The following GOLGA8B variants were observed in gnomAD, a reference collection of about 807,000 sequenced individuals.
The protein encoded by GOLGA8B is golgin subfamily A member 8B.
A neutral mutation model predicts 15.6 loss-of-function variants in GOLGA8B; 1 was observed. The observed-to-expected ratio is 0.06, with a 90% confidence interval of 0.02 to 0.30. The LOEUF is 0.30. Among genes scored for constraint, GOLGA8B ranks in the 10% least tolerant of loss-of-function variants. The pLI is 1.00. For synonymous variants in GOLGA8B, 9 were observed against 80.3 expected (o/e 0.11, Z 4.75); for missense variants, 17 against 201.3 (o/e 0.08, Z 5.54).
At chr15:34,554,425 C>T (rs1435738394) in intron 1 of GOLGA8B, among the ~76,000 whole-genome samples, 1 of 145,418 alleles carries the variant, frequency 6.9e-6, no homozygotes, top group African/African-American at 2.5e-5. Context: ...ATACACACCA[C>T]ACACCAACCA....
Position 34,528,146 on chromosome 15 carries a change from CCCCACCCCA to C in GOLGA8B, c.1453+34_1453+42del. On this transcript the variant is annotated intron_variant, in intron 22 of 23. Coordinates refer to ENST00000683415, the MANE Select transcript of GOLGA8B (RefSeq NM_001023567.5). ...ACCCTCATGCCCACCCCACCCACAC[CCCCACCCCA>C]CCCCCACCCCCACAGGGATGTTGCA... The C allele has an allele frequency of 3.1e-4, 8 of 25,516 alleles. No individual in the cohort carries two copies. The African/African-American group carries it at 0.015, about 49-fold the overall frequency. 1.6% of individuals were successfully genotyped at this position (25,516 alleles called of 1,614,324 possible).
chr15:34,578,726 C>T (rs1039862581), intron 1 of GOLGA8B, among the ~76,000 whole-genome samples: 8 of 152,224 alleles, frequency 5.3e-5, no homozygotes, highest in Non-Finnish European at 1.5e-5. Context: ...CCAGTGGTTT[C>T]GCCATGAAAA....
chr15:34,539,796 C>CT (rs1303697932), intron 7 of GOLGA8B, among the ~76,000 whole-genome samples: 1 of 70,600 alleles, frequency 1.4e-5, no homozygotes, highest in African/African-American at 7.6e-5. Flanking sequence ...AGACCTTGAT[C>CT]TTTTTTGTGT....
chr15:34,567,537 T>C (rs67765345), intron 1 of GOLGA8B, among the ~76,000 whole-genome samples: 21,590 of 149,290 alleles, frequency 0.14, 1,711 homozygotes, highest in East Asian at 0.25. Flanking sequence ...TGAAGGTACC[T>C]AAAAGTTGTC....
intron 1 of GOLGA8B, among the ~76,000 whole-genome samples, chr15:34,570,039 C>T (rs1399486310): frequency 6.6e-6 from 1 of 152,204 alleles, no homozygotes; most frequent in Non-Finnish European, 1.5e-5. Flanking sequence ...CATGCTGGCC[C>T]CACCACCTGC....
chr15:34,527,796 C>T lies in GOLGA8B; in HGVS notation c.1648G>A (p.Ala550Thr), dbSNP rs550173842. The change falls in exon 24 of 24, where the codon GCA becomes ACA. Residue 550 changes from alanine to threonine, a missense_variant. By Grantham distance (58) the Ala-to-Thr change is moderately conservative. Transcript: ENST00000683415. ...EASLTNSVEP[A>T]QGEAREGSSQ... Reference sequence around the variant, plus strand: ...GAACCCTCCCTGGCTTCTCCTTGTGCAGGCTCCACGCTGTTGGTGAGGCTC... The same window carrying T: ...GAACCCTCCCTGGCTTCTCCTTGTGTAGGCTCCACGCTGTTGGTGAGGCTC... 3.9e-6 allele frequency: 6 copies of T among 1,554,274 alleles called. No homozygotes were observed. Among genetic ancestry groups the T allele is most frequent in the Non-Finnish European group, 5.2e-6 (6 of 1,155,146 alleles).
At chr15:34,570,219 C>A (rs1438576023) in intron 1 of GOLGA8B, among the ~76,000 whole-genome samples, 2 of 151,258 alleles carry the variant, frequency 1.3e-5, no homozygotes, top group South Asian at 4.2e-4. Context: ...ACCACCACAG[C>A]CACTGACAGC....
chr15:34,571,147 A>G (rs1888902941), intron 1 of GOLGA8B, among the ~76,000 whole-genome samples: 1 of 151,378 alleles, frequency 6.6e-6, no homozygotes, highest in Admixed American at 6.6e-5. Flanking sequence ...GAAACTTGGA[A>G]AAACCCCACC....
rs557572874 is a variant in GOLGA8B at position 34,569,296 on chromosome 15, C to T, written c.-1123+14220G>A. Among the ~76,000 whole-genome samples the T allele has an allele frequency of 3.2e-4, 48 of 147,866 alleles. 1 individual carries two copies. The highest frequency in any genetic ancestry group is 2.2e-3 in the Admixed American group (32 of 14,388). ...AATGGATGCCTAGCAGATGGGAAGA[C>T]GACAAACTAACAAACACCCAGGCCT... On this transcript the variant is annotated intron_variant, in intron 1 of 23. Transcript: ENST00000683415.
At chr15:34,563,340 T>C (rs1161849189) in intron 1 of GOLGA8B, among the ~76,000 whole-genome samples, 2 of 144,536 alleles carry the variant, frequency 1.4e-5, no homozygotes, top group Non-Finnish European at 3.2e-5. Flanking sequence ...TGTAGGCTTT[T>C]GGTTAATCTG....
intron 1 of GOLGA8B, among the ~76,000 whole-genome samples, chr15:34,559,171 G>A (rs1164025687): frequency 6.8e-6 from 1 of 146,080 alleles, no homozygotes; most frequent in Non-Finnish European, 1.5e-5. Flanking sequence ...AAAAGGACAA[G>A]TACTGTGTCA....
At chr15:34,567,017 C>T (rs549169504) in intron 1 of GOLGA8B, among the ~76,000 whole-genome samples, 1 of 117,062 alleles carries the variant, frequency 8.5e-6, no homozygotes, top group East Asian at 2.1e-4. Flanking sequence ...GGCTCAGGTG[C>T]CCATTCATTT....
At chr15:34,578,993 G>A (rs1889157839) in intron 1 of GOLGA8B, among the ~76,000 whole-genome samples, 1 of 152,104 alleles carries the variant, frequency 6.6e-6, no homozygotes, top group African/African-American at 2.4e-5. Context: ...AATAAGAGAA[G>A]CCACACCATG....
Position 34,557,650 on chromosome 15 carries a change from G to GTGTGTA in GOLGA8B, c.-1122-3695_-1122-3694insTACACA, listed in dbSNP as rs1443488551. Among the ~76,000 whole-genome samples the GTGTGTA allele has an allele frequency of 3.8e-5, 4 of 104,548 alleles. 1 individual carries two copies. The highest frequency in any genetic ancestry group is 1.4e-4 in the African/African-American group (4 of 28,858). The allele number at this position is 104,548 out of a possible 152,430, so 68.6% of individuals were successfully genotyped here. ...TTCTGAGAAGAATTCATGAATGTGT[G>GTGTGTA]TGTGTGTGTGTGTGTGTGTGTGTGT... On this transcript the variant is annotated intron_variant, in intron 1 of 23. Transcript: ENST00000683415.
intron 1 of GOLGA8B, among the ~76,000 whole-genome samples, chr15:34,564,680 T>A (rs1393195686): frequency 1.4e-5 from 2 of 144,948 alleles, no homozygotes; most frequent in Non-Finnish European, 3.2e-5. Flanking sequence ...TTTTACAAGA[T>A]TTTTTCTGCA....
intron 1 of GOLGA8B, among the ~76,000 whole-genome samples, chr15:34,577,489 G>GA (rs1335186978): frequency 4.1e-4 from 53 of 130,048 alleles, no homozygotes; most frequent in Middle Eastern, 4.5e-3. Flanking sequence ...CCAACCAAAT[G>GA]AAAAAAATTA....
rs371760401 is a variant in GOLGA8B at position 34,565,007 on chromosome 15, T to G, written c.-1122-11051A>C. Among the ~76,000 whole-genome samples, 11 of 144,204 alleles carry G rather than the reference T, an allele frequency of 7.6e-5. 2 individuals carry two copies. The highest frequency in any genetic ancestry group is 1.6e-4 in the Non-Finnish European group (10 of 62,656). 94.6% of individuals were successfully genotyped at this position (144,204 alleles called of 152,430 possible). On this transcript the variant is annotated intron_variant, in intron 1 of 23. Transcript: ENST00000683415. Reference sequence around the variant, plus strand: ...GGCAGCAGGACGGCCTGTGCCCATGTTTCAGCTGAGAGCCGGGTGGGTGGC... The same window carrying G: ...GGCAGCAGGACGGCCTGTGCCCATGGTTCAGCTGAGAGCCGGGTGGGTGGC...
intron 1 of GOLGA8B, among the ~76,000 whole-genome samples, chr15:34,576,040 G>A (rs1274055888): frequency 1.3e-5 from 2 of 152,210 alleles, no homozygotes; most frequent in African/African-American, 4.8e-5. Flanking sequence ...GGACTGAGAG[G>A]TGAATGACGG....
intron 1 of GOLGA8B, among the ~76,000 whole-genome samples, chr15:34,569,050 G>A (rs1462899571): frequency 6.7e-6 from 1 of 148,818 alleles, no homozygotes; most frequent in Non-Finnish European, 1.5e-5. Flanking sequence ...TCCTGCTCCT[G>A]CTCCTGGCCA....
Sources: gnomAD v4.1 joint callset for allele counts (sites outside exome capture counted in the v4.1 genomes callset) on GRCh38, gnomAD v4.1.1 for gene constraint, MANE v1.5 for transcripts, NCBI Gene and HGNC (gene_info 2026-07-23, HGNC 2026-07-21) for gene names.